Variants in INPP5D observed in about 807,000 individuals in gnomAD.
INPP5D encodes the protein inositol polyphosphate-5-phosphatase D.
INPP5D carries 33 observed loss-of-function variants against 122.9 expected under a neutral mutation model. That is an observed-to-expected ratio of 0.27 (90% CI 0.20 to 0.36). The LOEUF (loss-of-function observed/expected upper bound fraction) is 0.36. Ranked by LOEUF, INPP5D falls within the 10% of genes least tolerant of loss-of-function variation. The pLI is 1.00. For missense variants in INPP5D, 1,053 were observed against 1,412.7 expected, an observed-to-expected ratio of 0.75 and a Z score of 4.08; for synonymous variants, 584 against 576.2, an observed-to-expected ratio of 1.01 and a Z score of -0.19.
chr2:233,167,707 A>G (rs1434127795), intron 13 of INPP5D, among the ~76,000 whole-genome samples: 1 of 152,162 alleles, frequency 6.6e-6, no homozygotes, highest in Non-Finnish European at 1.5e-5. Flanking sequence ...AGAGCTGTCC[A>G]ACCAAAAGAA....
chr2:233,147,671 A>T (rs1182636662), intron 9 of INPP5D, 77 bp downstream of exon 9: 1 of 686,716 alleles, frequency 1.5e-6, no homozygotes, highest in African/African-American at 1.8e-5. Context: ...CACCTCTCAG[A>T]AGGCCTGCCC....
chr2:233,147,622 T>G (rs1215510163), intron 9 of INPP5D, 28 bp downstream of exon 9: 2 of 701,658 alleles, frequency 2.9e-6, no homozygotes, highest in Non-Finnish European at 5.2e-6. Flanking sequence ...TATCAACCAC[T>G]GCCCCTCACC....
intron 9 of INPP5D, among the ~76,000 whole-genome samples, chr2:233,148,413 G>A (rs1472329356): frequency 6.6e-6 from 1 of 152,208 alleles, no homozygotes; most frequent in Non-Finnish European, 1.5e-5. Flanking sequence ...CTCTGAGTAA[G>A]AGGCACATTG....
intron 18 of INPP5D, among the ~76,000 whole-genome samples, chr2:233,178,651 T>G (rs541127972): frequency 2.2e-4 from 34 of 151,874 alleles, no homozygotes; most frequent in African/African-American, 7.5e-4. Flanking sequence ...CCTGGCTAAT[T>G]TTTTGTATTT....
intron 1 of INPP5D, among the ~76,000 whole-genome samples, chr2:233,061,539 G>A (rs1476116631): frequency 2.0e-5 from 3 of 152,114 alleles, no homozygotes; most frequent in Admixed American, 1.3e-4. Context: ...TGGCAGAAAT[G>A]TTCCCCCGAG....
intron 6 of INPP5D, among the ~76,000 whole-genome samples, chr2:233,144,479 A>G (rs1693699664): frequency 8.5e-6 from 1 of 118,180 alleles, no homozygotes; most frequent in African/African-American, 3.0e-5. Context: ...GGTGGTCATG[A>G]TCATGATAGG....
At chr2:233,121,569 G>A (rs1253270249) in intron 2 of INPP5D, among the ~76,000 whole-genome samples, 1 of 148,686 alleles carries the variant, frequency 6.7e-6, no homozygotes, top group Non-Finnish European at 1.5e-5. Flanking sequence ...AGGCTGGAGT[G>A]CAGCGGCGCA....
At chr2:233,067,482 A>G (rs906664590) in intron 1 of INPP5D, among the ~76,000 whole-genome samples, 2 of 152,240 alleles carry the variant, frequency 1.3e-5, no homozygotes, top group African/African-American at 4.8e-5. Flanking sequence ...TTGGGCTATA[A>G]TGAATAATGC....
intron 1 of INPP5D, among the ~76,000 whole-genome samples, chr2:233,068,800 T>C (rs1691300503): frequency 1.3e-5 from 2 of 152,056 alleles, no homozygotes; most frequent in Non-Finnish European, 1.5e-5. Context: ...GAGGAAGCAC[T>C]CAGAGAGATG....
At chr2:233,186,814 C>T (rs1357645579) in intron 21 of INPP5D, among the ~76,000 whole-genome samples, 1 of 141,964 alleles carries the variant, frequency 7.0e-6, no homozygotes, top group Non-Finnish European at 1.5e-5. Flanking sequence ...CCTCAACCTC[C>T]CAGGTTCAAG....
chr2:233,096,800 A>T (rs1360749549), intron 2 of INPP5D, among the ~76,000 whole-genome samples: 1 of 152,032 alleles, frequency 6.6e-6, no homozygotes, highest in African/African-American at 2.4e-5. Context: ...TTGTATATTA[A>T]TTTTGGGGGT....
intron 2 of INPP5D, among the ~76,000 whole-genome samples, chr2:233,118,973 C>T (rs954362267): frequency 6.6e-6 from 1 of 152,040 alleles, no homozygotes; most frequent in Non-Finnish European, 1.5e-5. Flanking sequence ...ACCGGGTCCA[C>T]AGGGACTCCT....
At chr2:233,175,251 T>TGGCAG (rs1166568449) in intron 17 of INPP5D, among the ~76,000 whole-genome samples, 2 of 150,162 alleles carry the variant, frequency 1.3e-5, no homozygotes, top group African/African-American at 4.9e-5. Flanking sequence ...TGAATGTTTA[T>TGGCAG]GGCAGCCTTG....
Position 233,158,385 on chromosome 2 carries a change from T to G in INPP5D, c.1103T>G (p.Ile368Ser). The change falls in exon 10 of 27, where the codon ATC becomes AGC. Residue 368 changes from isoleucine to serine, a missense_variant. Transcript: ENST00000445964. The stretch of plus-strand genomic sequence containing the variant: ...TTGGTGGAAACAGAGAAGGAGAAGA[T>G]CCTGCGGAAGGAATATGTTTTTGCT... ...VILVETEKEK[I>S]LRKEYVFADS... The G allele has an allele frequency of 1.4e-6, 1 of 703,900 alleles. No individual in the cohort carries two copies. The highest frequency in any genetic ancestry group is 2.6e-6 in the Non-Finnish European group (1 of 384,912). The allele number at this position is 703,900 out of a possible 1,614,324, so 43.6% of individuals were successfully genotyped here.
rs184617717 is a variant in INPP5D, at chr2:233,148,717, A to G, written c.1030+1123A>G. ...ACATCTTTCTTCATCTGGGTGGCCA[A>G]TGGGTTCCCCCGAGAAACCTGATCA... On this transcript the variant is annotated intron_variant, in intron 9 of 26. Coordinates refer to ENST00000445964, the MANE Select transcript of INPP5D (RefSeq NM_001017915.3). Among the ~76,000 whole-genome samples the G allele has an allele frequency of 4.6e-5, 7 of 152,256 alleles. No homozygotes were observed. The East Asian group carries it at 9.6e-4, about 21-fold the overall frequency.
Position 233,068,578 on chromosome 2 carries a change from G to C in INPP5D, c.134+7966G>C, listed in dbSNP as rs141252012. 2.3e-3 allele frequency among the ~76,000 whole-genome samples: 352 copies of C among 151,976 alleles called. 3 individuals carry two copies. The highest frequency in any genetic ancestry group is 0.019 in the East Asian group (97 of 5,188). Reference sequence around the variant, plus strand: ...CCATTGCACTCCAGCCTGGGCGACAGAGCTAGAATCCGTCTAAAAAAAAAA... The same window carrying C: ...CCATTGCACTCCAGCCTGGGCGACACAGCTAGAATCCGTCTAAAAAAAAAA... On this transcript the variant is annotated intron_variant, in intron 1 of 26. Transcript: ENST00000445964.
intron 1 of INPP5D, among the ~76,000 whole-genome samples, chr2:233,072,286 T>C (rs2106202405): frequency 6.6e-6 from 1 of 152,382 alleles, no homozygotes. Flanking sequence ...GTGATGATTA[T>C]ATTATACCCC....
intron 5 of INPP5D, among the ~76,000 whole-genome samples, chr2:233,136,270 G>T (rs916401612): frequency 1.3e-5 from 2 of 152,218 alleles, no homozygotes; most frequent in Admixed American, 1.3e-4. Flanking sequence ...TTGAGGTCAG[G>T]AGTTCGAGAC....
intron 9 of INPP5D, among the ~76,000 whole-genome samples, chr2:233,152,358 C>T (rs1006512753): frequency 6.6e-6 from 1 of 152,216 alleles, no homozygotes; most frequent in Non-Finnish European, 1.5e-5. Context: ...CACATAGGAA[C>T]AGCCAGTTGC....
Sources: gnomAD v4.1 joint callset for allele counts (sites outside exome capture counted in the v4.1 genomes callset) on GRCh38, gnomAD v4.1.1 for gene constraint, MANE v1.5 for transcripts, NCBI Gene and HGNC (gene_info 2026-07-23, HGNC 2026-07-21) for gene names.